The following ZC3H12B variants were observed in gnomAD, a reference collection of about 807,000 sequenced individuals.
ZC3H12B encodes the protein probable ribonuclease ZC3H12B.
A neutral mutation model predicts 43.9 loss-of-function variants in ZC3H12B; 7 were observed. The observed-to-expected ratio is 0.16, with a 90% CI of 0.09 to 0.30. ZC3H12B has a LOEUF of 0.30. ZC3H12B is among the 10% of genes least tolerant of loss of function. The pLI is 1.00. For missense variants in ZC3H12B, 475 were observed against 670.2 expected, an observed-to-expected ratio of 0.71 and a Z score of 3.22; for synonymous variants, 222 against 241.7, an observed-to-expected ratio of 0.92 and a Z score of 0.76.
the ZC3H12B span, among the ~76,000 whole-genome samples, chrX:65,079,455 A>T: frequency 6.2e-5 from 7 of 112,716 alleles, no homozygotes; most frequent in Non-Finnish European, 1.3e-4. Context: ...GGTCTGACCC[A>T]GCACAGTCAT....
At chrX:65,256,323 A>G in the ZC3H12B span, among the ~76,000 whole-genome samples, 2 of 112,315 alleles carry the variant, frequency 1.8e-5, no homozygotes, top group African/African-American at 3.2e-5. Flanking sequence ...ACAAAACTGT[A>G]ATTATACCAA....
At chrX:65,063,488 C>G in the ZC3H12B span, among the ~76,000 whole-genome samples, 1 of 112,277 alleles carries the variant, frequency 8.9e-6, no homozygotes, top group Non-Finnish European at 1.9e-5. Context: ...ATTGAACCAG[C>G]CTTGCATCCT....
At chrX:65,412,262 C>T (rs1007594062) in intron 3 of ZC3H12B, among the ~76,000 whole-genome samples, 44 of 111,723 alleles carry the variant, frequency 3.9e-4, no homozygotes, top group Non-Finnish European at 8.1e-4. Context: ...TTGTGCCTTG[C>T]TTCTTTCATT....
intron 3 of ZC3H12B, among the ~76,000 whole-genome samples, chrX:65,463,763 T>C (rs2067782987): frequency 9.0e-6 from 1 of 111,293 alleles, no homozygotes; most frequent in Non-Finnish European, 1.9e-5. Flanking sequence ...GCTGGTTTCT[T>C]ATCACCACTC....
At chrX:65,226,363 T>G in the ZC3H12B span, among the ~76,000 whole-genome samples, 26 of 111,197 alleles carry the variant, frequency 2.3e-4, no homozygotes, top group African/African-American at 8.2e-4. Flanking sequence ...AAAGAGCGCC[T>G]GAAGGAAGCA....
At chrX:65,038,745 T>A in the ZC3H12B span, among the ~76,000 whole-genome samples, 1 of 111,368 alleles carries the variant, frequency 9.0e-6, no homozygotes, top group South Asian at 3.7e-4. Flanking sequence ...TAACATAGGG[T>A]CATTCTCAAT....
At chrX:65,407,108 C>A (rs1337341054) in intron 3 of ZC3H12B, among the ~76,000 whole-genome samples, 2 of 112,154 alleles carry the variant, frequency 1.8e-5, no homozygotes, top group African/African-American at 6.5e-5. Flanking sequence ...GAAAGAAGAC[C>A]GAGGAAGAAA....
At chrX:65,128,354 G>A in the ZC3H12B span, among the ~76,000 whole-genome samples, 274 of 112,189 alleles carry the variant, frequency 2.4e-3, 1 homozygote, top group African/African-American at 8.1e-3. Context: ...TAACGTCAAA[G>A]TGTTTGTAGA....
the ZC3H12B span, among the ~76,000 whole-genome samples, chrX:65,319,675 C>A: frequency 9.0e-6 from 1 of 111,054 alleles, no homozygotes; most frequent in Non-Finnish European, 1.9e-5. Flanking sequence ...AAATCCTCAA[C>A]AAAATACTAG....
chrX:65,250,903 T>G, the ZC3H12B span, among the ~76,000 whole-genome samples: 3 of 111,755 alleles, frequency 2.7e-5, no homozygotes, highest in South Asian at 7.5e-4. Context: ...TTCACTCTGA[T>G]GGTAGTTTCT....
the ZC3H12B span, among the ~76,000 whole-genome samples, chrX:65,248,949 T>A: frequency 8.9e-6 from 1 of 111,856 alleles, no homozygotes; most frequent in South Asian, 3.7e-4. Flanking sequence ...CTTGTTGATT[T>A]GTTTGATTTC....
At chrX:65,443,419 C>T (rs2067331572) in intron 3 of ZC3H12B, among the ~76,000 whole-genome samples, 1 of 111,782 alleles carries the variant, frequency 8.9e-6, no homozygotes, top group Non-Finnish European at 1.9e-5. Flanking sequence ...ATTAAAGACA[C>T]ACACACAGAA....
At chrX:65,471,704 G>T (rs1007143516) in intron 3 of ZC3H12B, among the ~76,000 whole-genome samples, 2 of 110,428 alleles carry the variant, frequency 1.8e-5, no homozygotes, top group Non-Finnish European at 3.8e-5. Flanking sequence ...GCCCACCTTC[G>T]CCTCACATAG....
the ZC3H12B span, among the ~76,000 whole-genome samples, chrX:65,135,700 AT>A: frequency 1.8e-3 from 115 of 64,032 alleles, no homozygotes; most frequent in East Asian, 9.0e-3. Flanking sequence ...TTGGTTAGAT[AT>A]TTTTTTTTTT....
chrX:65,267,197 T>TC, the ZC3H12B span, among the ~76,000 whole-genome samples: 1 of 88,735 alleles, frequency 1.1e-5, no homozygotes, highest in African/African-American at 9.7e-5. Context: ...TTTTCTTTCT[T>TC]TCTTTTTTTT....
the ZC3H12B span, among the ~76,000 whole-genome samples, chrX:65,123,517 A>G: frequency 9.0e-6 from 1 of 110,598 alleles, no homozygotes; most frequent in African/African-American, 3.3e-5. Context: ...TCTGTGATGA[A>G]TGATGGTGGT....
At chrX:65,388,271 G>A (rs1330884241) in intron 2 of ZC3H12B, among the ~76,000 whole-genome samples, 1 of 112,049 alleles carries the variant, frequency 8.9e-6, no homozygotes, top group East Asian at 2.8e-4. Flanking sequence ...GTGACTTTCA[G>A]GTACACGAAT....
the ZC3H12B span, among the ~76,000 whole-genome samples, chrX:65,151,269 T>C: frequency 1.8e-5 from 2 of 112,000 alleles, no homozygotes; most frequent in East Asian, 2.8e-4. Flanking sequence ...AAAATCTTAG[T>C]GCAATTTAAA....
the ZC3H12B span, among the ~76,000 whole-genome samples, chrX:65,205,393 T>A: frequency 1.8e-5 from 2 of 111,662 alleles, no homozygotes; most frequent in African/African-American, 3.3e-5. Flanking sequence ...AAGGGCTCCT[T>A]GGTACACAAC....
Sources: allele counts gnomAD v4.1 joint callset (sites outside exome capture counted in the v4.1 genomes callset), GRCh38; gene constraint gnomAD v4.1.1; transcripts MANE v1.5; gene names NCBI Gene and HGNC (gene_info 2026-07-23, HGNC 2026-07-21).